KRT77: variants seen among roughly 807,000 people sequenced by gnomAD.
The protein encoded by KRT77 is keratin 77, also known as keratin, type II cytoskeletal 1b.
Under a neutral mutation model 51.5 loss-of-function variants are expected in KRT77, and 44 were observed. The ratio of observed to expected loss-of-function variants is 0.85; its 90% CI spans 0.67 to 1.10. The LOEUF (loss-of-function observed/expected upper bound fraction) is 1.10. KRT77 is among the 50% of genes least tolerant of loss of function. The probability of loss-of-function intolerance (pLI) is 0.00; values close to 1 mark genes in which losing one functional copy is unlikely to be tolerated. For missense variants in KRT77, 763 were observed against 743.9 expected, an observed-to-expected ratio of 1.03 and a Z score of -0.30; for synonymous variants, 293 against 302.0, an observed-to-expected ratio of 0.97 and a Z score of 0.31.
At chr12:52,698,109 T>C in intron 1 of KRT77, 1 of 1,469,152 alleles carries the variant, frequency 6.8e-7, no homozygotes. Context: ...TTGCCTAAAA[T>C]TGACACTAAG....
In KRT77 at chr12:52,696,404, G is replaced by A. The variant is rs754643160; in HGVS notation, c.785C>T (p.Thr262Ile). The change falls in exon 3 of 9, where the codon ACT becomes ATT. Residue 262 changes from threonine (T) to isoleucine (I), a missense_variant. Transcript: ENST00000341809. ...SKYEDEINKRTGSENDFVVLK... is the reference protein window; with the variant it reads ...SKYEDEINKRIGSENDFVVLK... The stretch of plus-strand genomic sequence containing the variant: ...GACGACAAAGTCATTCTCGCTGCCA[G>A]TCCTCTTGTTGATTTCATCCTCATA... 24 of 1,614,192 alleles carry A rather than the reference G, an allele frequency of 1.5e-5. No homozygotes were observed. Among genetic ancestry groups the A allele is most frequent in the Non-Finnish European group, 2.0e-5 (24 of 1,180,022 alleles).
intron 1 of KRT77, 25 bp from the exon 2 acceptor site, chr12:52,697,921 C>G (rs753815702): frequency 8.7e-6 from 14 of 1,604,892 alleles, no homozygotes; most frequent in Non-Finnish European, 1.2e-5. Context: ...CCCCAGTCCA[C>G]CCCAGGCCAT....
rs193183347 is a variant in KRT77 at position 52,694,978 on chromosome 12, G to T, written c.916-188C>A. On this transcript the variant is annotated intron_variant, in intron 4 of 8. Coordinates refer to ENST00000341809, the MANE Select transcript of KRT77 (RefSeq NM_175078.3). ...GAGTCTTAACTGCCTCCAGGGAGAAGGAAGGAGCCTAAACCTGGAGCGTTC... is the reference window on the plus strand; with the variant it reads ...GAGTCTTAACTGCCTCCAGGGAGAATGAAGGAGCCTAAACCTGGAGCGTTC... 33 of 416,540 alleles carry T rather than the reference G, an allele frequency of 7.9e-5. No homozygotes were observed. In the East Asian group the frequency reaches 1.3e-3, roughly 16 times the overall value. 25.8% of individuals were successfully genotyped at this position (416,540 alleles called of 1,614,324 possible).
In KRT77 at chr12:52,690,346, G is replaced by A. The variant is rs1195643506; in HGVS notation, c.*819C>T. On this transcript the variant is annotated 3_prime_UTR_variant, in exon 9 of 9. Coordinates refer to ENST00000341809, the MANE Select transcript of KRT77 (RefSeq NM_175078.3). ...TTCCACCTTGAGTTGTTTACACAGG[G>A]GAGAATGCTTCCTGAAACAGAGGTT... The A allele has an allele frequency of 2.0e-5, 3 of 152,310 alleles. No individual in the cohort carries two copies. The highest frequency in any genetic ancestry group is 2.4e-5 in the African/African-American group (1 of 41,450). 9.4% of individuals were successfully genotyped at this position (152,310 alleles called of 1,614,324 possible).
intron 1 of KRT77, among the ~76,000 whole-genome samples, chr12:52,701,483 G>C (rs1474416985): frequency 6.6e-6 from 1 of 152,208 alleles, no homozygotes; most frequent in South Asian, 2.1e-4. Context: ...CTACCCTGCA[G>C]TCAGGCCACA....
rs1455343531 is a variant in KRT77 at position 52,689,762 on chromosome 12, A to G, written c.*1403T>C. The G allele has an allele frequency of 6.6e-6, 1 of 152,170 alleles. No homozygotes were observed. Among genetic ancestry groups the G allele is most frequent in the Non-Finnish European group, 1.5e-5 (1 of 68,052 alleles). The allele number at this position is 152,170 out of a possible 1,614,324, so 9.4% of individuals were successfully genotyped here. On this transcript the variant is annotated 3_prime_UTR_variant, in exon 9 of 9. Transcript: ENST00000341809. ...CTGAGCCCATCCAATGCCCCAAGAG[A>G]ATCATGGACTTGGAAGTTGTGTTAG...
intron 1 of KRT77, 96 bp from the exon 2 acceptor site, chr12:52,697,992 C>T (rs1240636144): frequency 1.4e-6 from 2 of 1,422,002 alleles, no homozygotes; most frequent in South Asian, 1.2e-5. Flanking sequence ...ATCCAGACCT[C>T]AGAGAATCAG....
At chr12:52,702,244 C>T (rs938403400) in intron 1 of KRT77, among the ~76,000 whole-genome samples, 1 of 152,204 alleles carries the variant, frequency 6.6e-6, no homozygotes, top group African/African-American at 2.4e-5. Flanking sequence ...TAGACGTGGG[C>T]TCCTTGATGG....
At chr12:52,691,901 C>CA in intron 8 of KRT77, 37 bp downstream of exon 8, 1 of 1,613,276 alleles carries the variant, frequency 6.2e-7, no homozygotes, top group Non-Finnish European at 8.5e-7. Flanking sequence ...CACCCAGCAC[C>CA]ACCAGCCTCT....
At position 52,690,468 on chromosome 12, in the gene KRT77, A is replaced by C; in HGVS notation, c.*697T>G. 1.3e-5 allele frequency: 2 copies of C among 155,318 alleles called. No individual in the cohort carries two copies. Among genetic ancestry groups the C allele is most frequent in the Admixed American group, 6.2e-5 (1 of 16,100 alleles). The allele number at this position is 155,318 out of a possible 1,614,324, so 9.6% of individuals were successfully genotyped here. A position where few individuals can be genotyped will look rare whatever the true frequency, so the allele number is the denominator to read the frequency against. On this transcript the variant is annotated 3_prime_UTR_variant, in exon 9 of 9. Coordinates refer to ENST00000341809, the MANE Select transcript of KRT77 (RefSeq NM_175078.3). ...TGTATGAGGCTATGGACCAAGAGGC[A>C]GGAATAGGCCGCTGGTGCAGAGGTT... is the stretch of plus-strand genomic sequence containing the variant.
Position 52,692,884 on chromosome 12 carries a change from G to A in KRT77, c.1081-4C>T. ...CCGTGATCTGGAGCTCCTGGTACTG[G>A]GGCCAAAGGCAGCATCATAGTCAGC... On this transcript the variant is annotated splice_region_variant and splice_polypyrimidine_tract_variant and intron_variant, in intron 5 of 8. Coordinates refer to ENST00000341809, the MANE Select transcript of KRT77 (RefSeq NM_175078.3). 1 of 1,603,434 alleles carries A rather than the reference G, an allele frequency of 6.2e-7. No homozygotes were observed. The highest frequency in any genetic ancestry group is 1.3e-5 in the African/African-American group (1 of 74,804).
intron 1 of KRT77, among the ~76,000 whole-genome samples, chr12:52,699,507 C>G (rs1239686030): frequency 6.6e-6 from 1 of 152,252 alleles, no homozygotes; most frequent in Admixed American, 6.5e-5. Flanking sequence ...CCAAAACACT[C>G]CTGGTCTGTG....
chr12:52,703,514 C>A lies in KRT77; in HGVS notation c.-80G>T. 8.0e-7 allele frequency: 1 copy of A among 1,253,304 alleles called. No individual in the cohort carries two copies. The allele number at this position is 1,253,304 out of a possible 1,614,324, so 77.6% of individuals were successfully genotyped here. The stretch of plus-strand genomic sequence containing the variant: ...GCAGAGACCAGAGAGGAAAGGAGCT[C>A]TGACTCCTTTGAAAAGATCTGGCTC... On this transcript the variant is annotated 5_prime_UTR_variant, in exon 1 of 9. Transcript: ENST00000341809.
chr12:52,692,225 A>G (rs531032073), intron 7 of KRT77, among the ~76,000 whole-genome samples, 196 bp downstream of exon 7: 3 of 152,310 alleles, frequency 2.0e-5, no homozygotes, highest in Non-Finnish European at 2.9e-5. Context: ...TGGAGGAATG[A>G]TAACAATGAC....
In KRT77 at chr12:52,689,979, G is replaced by C. The variant is rs1406920614; in HGVS notation, c.*1186C>G. 6.6e-6 allele frequency: 1 copy of C among 152,258 alleles called. No individual in the cohort carries two copies. Among genetic ancestry groups the C allele is most frequent in the Non-Finnish European group, 1.5e-5 (1 of 68,066 alleles). 9.4% of individuals were successfully genotyped at this position (152,258 alleles called of 1,614,324 possible). A position where few individuals can be genotyped will look rare whatever the true frequency, so the allele number is the denominator to read the frequency against. The stretch of plus-strand genomic sequence containing the variant: ...AGAACAGAAGGCAGGAGGGACTAGA[G>C]AGGTCTGGGAAAGGGCATTAAAATG... On this transcript the variant is annotated 3_prime_UTR_variant, in exon 9 of 9. Transcript: ENST00000341809.
chr12:52,691,450 G>C lies in KRT77; in HGVS notation c.1463-11C>G. 1.3e-6 allele frequency: 2 copies of C among 1,569,526 alleles called. No homozygotes were observed. Among genetic ancestry groups the C allele is most frequent in the South Asian group, 1.2e-5 (1 of 84,902 alleles). On this transcript the variant is annotated splice_polypyrimidine_tract_variant and intron_variant, in intron 8 of 8. Transcript: ENST00000341809. ...GGCTGTTCTGCACGGCTGTGGGTAG[G>C]GGACAGTGCACACGGGGTCAGAGGG...
intron 3 of KRT77, 150 bp from the exon 4 acceptor site, chr12:52,696,017 G>GTCCT (rs1415190307): frequency 7.8e-6 from 5 of 637,614 alleles, no homozygotes; most frequent in Non-Finnish European, 1.4e-5. Context: ...GGACCCACAA[G>GTCCT]TCCTGGCTTT....
chr12:52,698,142 A>G, intron 1 of KRT77: 2 of 1,413,220 alleles, frequency 1.4e-6, no homozygotes, highest in Non-Finnish European at 1.9e-6. Flanking sequence ...TTGAAGGTAA[A>G]TCACCTCCTT....
rs1384383405 is a variant in KRT77 at position 52,703,167 on chromosome 12, C to T, written c.268G>A (p.Gly90Arg). ...CCAAAGCCTCTGCCCCCTCCAAATC[C>T]CCCTACTCCCCCACCCTGGCAGAAA... ...SGFCQGGGVG[G>R]FGGGRGFGVG... The change falls in exon 1 of 9, where the codon GGA becomes AGA. Residue 90 changes from glycine (G) to arginine (R), a missense_variant. Physicochemically the swap from Gly to Arg is moderately radical, Grantham distance 125. Transcript: ENST00000341809. The T allele has an allele frequency of 1.2e-6, 2 of 1,610,798 alleles. No individual in the cohort carries two copies. Among genetic ancestry groups the T allele is most frequent in the Non-Finnish European group, 1.7e-6 (2 of 1,178,296 alleles).
Sources: gnomAD v4.1 joint callset for allele counts (sites outside exome capture counted in the v4.1 genomes callset) on GRCh38, gnomAD v4.1.1 for gene constraint, MANE v1.5 for transcripts, NCBI Gene and HGNC (gene_info 2026-07-23, HGNC 2026-07-21) for gene names.